IL1RAPL1: variants seen among roughly 807,000 people sequenced by gnomAD.
IL1RAPL1 encodes the protein interleukin-1 receptor accessory protein-like 1.
Under a neutral mutation model 48.4 loss-of-function variants are expected in IL1RAPL1, and 3 were observed. The ratio of observed to expected loss-of-function variants is 0.06; its 90% CI spans 0.03 to 0.16. The LOEUF (loss-of-function observed/expected upper bound fraction) is 0.16. Ranked by LOEUF, IL1RAPL1 falls within the 10% of genes least tolerant of loss-of-function variation. The pLI, the probability that IL1RAPL1 is intolerant of heterozygous loss-of-function variation, is 1.00. For synonymous variants in IL1RAPL1, 185 were observed against 187.7 expected (o/e 0.99, Z 0.12); for missense variants, 349 against 530.6 (o/e 0.66, Z 3.36).
chrX:29,889,458 G>C (rs936498999), intron 6 of IL1RAPL1, among the ~76,000 whole-genome samples: 1 of 111,279 alleles, frequency 9.0e-6, no homozygotes, highest in African/African-American at 3.3e-5. Flanking sequence ...AAAGGGGTTT[G>C]GTAATACCCT....
At chrX:29,326,881 C>T (rs1219805205) in intron 3 of IL1RAPL1, among the ~76,000 whole-genome samples, 7 of 111,916 alleles carry the variant, frequency 6.3e-5, no homozygotes, top group Non-Finnish European at 7.5e-5. Context: ...CCTGTATAAC[C>T]GTGGTTTTCC....
chrX:29,027,579 G>GT (rs890812930), intron 2 of IL1RAPL1, among the ~76,000 whole-genome samples: 1 of 111,710 alleles, frequency 9.0e-6, no homozygotes, highest in Non-Finnish European at 1.9e-5. Flanking sequence ...GGATTGCATG[G>GT]TAAGAGTATA....
intron 2 of IL1RAPL1, among the ~76,000 whole-genome samples, chrX:29,169,211 T>C (rs1929863806): frequency 9.1e-6 from 1 of 109,432 alleles, no homozygotes; most frequent in African/African-American, 3.3e-5. Flanking sequence ...ATGGAAGTTC[T>C]ATTTTTATTT....
intron 5 of IL1RAPL1, among the ~76,000 whole-genome samples, chrX:29,515,450 G>C (rs2147769131): frequency 8.9e-6 from 1 of 111,872 alleles, no homozygotes; most frequent in Non-Finnish European, 1.9e-5. Context: ...CCACTAATCT[G>C]TTCTCCATTT....
At chrX:29,809,241 C>T (rs1930325985) in intron 6 of IL1RAPL1, among the ~76,000 whole-genome samples, 1 of 107,187 alleles carries the variant, frequency 9.3e-6, no homozygotes, top group African/African-American at 3.4e-5. Flanking sequence ...GGATTACAGG[C>T]GCTCGCCACC....
chrX:29,568,374 T>G (rs1276598123), intron 5 of IL1RAPL1, among the ~76,000 whole-genome samples: 2 of 109,048 alleles, frequency 1.8e-5, no homozygotes, highest in Non-Finnish European at 3.8e-5. Context: ...TAATTCAGTT[T>G]AATATAAGAA....
At chrX:29,640,153 T>A (rs780613501) in intron 5 of IL1RAPL1, among the ~76,000 whole-genome samples, 17 of 112,402 alleles carry the variant, frequency 1.5e-4, no homozygotes, top group Non-Finnish European at 2.8e-4. Context: ...TCAGAAAGAT[T>A]GATTCCTGAA....
chrX:29,851,756 G>A (rs1292076129), intron 6 of IL1RAPL1, among the ~76,000 whole-genome samples: 3 of 110,977 alleles, frequency 2.7e-5, no homozygotes, highest in African/African-American at 9.9e-5. Flanking sequence ...CTTTTCTTGT[G>A]GGTTCTATCT....
intron 2 of IL1RAPL1, among the ~76,000 whole-genome samples, chrX:29,008,331 C>G (rs900676767): frequency 1.1e-4 from 12 of 108,234 alleles, no homozygotes; most frequent in Admixed American, 4.9e-4. Flanking sequence ...CCCGCCACCA[C>G]GCTTGGCTAT....
At chrX:29,198,307 C>CT (rs1381428589) in intron 2 of IL1RAPL1, among the ~76,000 whole-genome samples, 1 of 106,706 alleles carries the variant, frequency 9.4e-6, no homozygotes, top group Non-Finnish European at 1.9e-5. Context: ...TTTTCTTTTT[C>CT]TTTTTTTGAG....
chrX:29,072,008 C>A (rs1424297439), intron 2 of IL1RAPL1, among the ~76,000 whole-genome samples: 2 of 111,266 alleles, frequency 1.8e-5, no homozygotes, highest in East Asian at 2.8e-4. Context: ...GGAAGACTTA[C>A]AAGAGACAAG....
At chrX:29,623,227 G>A (rs561342234) in intron 5 of IL1RAPL1, among the ~76,000 whole-genome samples, 3 of 107,568 alleles carry the variant, frequency 2.8e-5, no homozygotes, top group African/African-American at 6.8e-5. Flanking sequence ...GCTTGCCAGC[G>A]AGCCGAGATG....
intron 2 of IL1RAPL1, among the ~76,000 whole-genome samples, chrX:29,172,726 T>C (rs1334057812): frequency 1.8e-5 from 2 of 111,876 alleles, no homozygotes; most frequent in African/African-American, 6.5e-5. Flanking sequence ...CAGATAGGTC[T>C]AATGAAGTTT....
At chrX:29,802,779 ATATGTG>A (rs1200439252) in intron 6 of IL1RAPL1, among the ~76,000 whole-genome samples, 41 of 22,356 alleles carry the variant, frequency 1.8e-3, no homozygotes, top group African/African-American at 7.4e-3. Flanking sequence ...ATATATATAT[ATATGTG>A]TGTGTGTATA....
chrX:29,879,395 G>GTATA (rs1159189468), intron 6 of IL1RAPL1, among the ~76,000 whole-genome samples: 3 of 86,875 alleles, frequency 3.5e-5, no homozygotes, highest in Admixed American at 1.2e-4. Flanking sequence ...GTGTGTGTGT[G>GTATA]TATATATATA....
In IL1RAPL1 at chrX:29,126,853, T is replaced by C. The variant is rs745697558; in HGVS notation, c.83-156085T>C. On this transcript the variant is annotated intron_variant, in intron 2 of 10. Transcript: ENST00000378993. ...AACTTTGAATAATTCATTTCTCACA[T>C]GAAATAGGCACATTACAAATATCCA... Among the ~76,000 whole-genome samples the C allele has an allele frequency of 8.0e-5, 9 of 112,096 alleles. No individual in the cohort carries two copies. The South Asian group carries it at 1.1e-3, about 14-fold the overall frequency.
intron 6 of IL1RAPL1, among the ~76,000 whole-genome samples, chrX:29,883,625 A>G (rs112438329): frequency 0.032 from 3,579 of 112,015 alleles, 129 homozygotes; most frequent in African/African-American, 0.11. Flanking sequence ...TGACTTTACG[A>G]CAAGTTCCCT....
At chrX:28,704,829 CACA>C (rs1306801092) in intron 1 of IL1RAPL1, among the ~76,000 whole-genome samples, 34 of 31,859 alleles carry the variant, frequency 1.1e-3, no homozygotes, top group African/African-American at 2.0e-3. Flanking sequence ...CACACACACA[CACA>C]AAAAAAAAAA....
chrX:29,917,290 C>T (rs1475252055), intron 6 of IL1RAPL1, among the ~76,000 whole-genome samples, 174 bp from the exon 7 acceptor site: 1 of 112,328 alleles, frequency 8.9e-6, no homozygotes, highest in Non-Finnish European at 1.9e-5. Context: ...GCCATGTTGT[C>T]GAAAGCACAC....
Sources: gnomAD v4.1 joint callset for allele counts (sites outside exome capture counted in the v4.1 genomes callset) on GRCh38, gnomAD v4.1.1 for gene constraint, MANE v1.5 for transcripts, NCBI Gene and HGNC (gene_info 2026-07-23, HGNC 2026-07-21) for gene names.